TTC39B: variants seen among roughly 807,000 people sequenced by gnomAD.
TTC39B encodes the protein tetratricopeptide repeat protein 39B.
A neutral mutation model predicts 96.6 loss-of-function variants in TTC39B; 92 were observed. The observed-to-expected ratio is 0.95, with a 90% confidence interval of 0.80 to 1.13. TTC39B has a LOEUF of 1.13. Among genes scored for constraint, TTC39B ranks in the 50% most tolerant of loss-of-function variants. The probability of loss-of-function intolerance (pLI) is 0.00; values close to 1 mark genes in which losing one functional copy is unlikely to be tolerated. For missense variants in TTC39B, 955 were observed against 809.3 expected (o/e 1.18, Z -2.18); for synonymous variants, 367 against 299.4 (o/e 1.23, Z -2.33).
At chr9:15,171,797 G>T (rs1817674359) in exon 20 of TTC39B, 1 of 295,384 alleles carries the variant, frequency 3.4e-6, no homozygotes, top group Non-Finnish European at 6.2e-6. Flanking sequence ...TCTTTTGGGG[G>T]AGGCAAAATA....
rs1586912662 is a variant in TTC39B, at chr9:15,225,891, C to T, written c.371+26G>A. On this transcript the variant is annotated intron_variant, in intron 3 of 19. Transcript: ENST00000512701. ...GTGGGACTGTCCTCCCCTCTTCCCC[C>T]AGGAATGCCCACAACCCTTCCTGAC... 2.5e-6 allele frequency: 4 copies of T among 1,605,678 alleles called. No individual in the cohort carries two copies. In the East Asian group the frequency reaches 8.9e-5, roughly 36 times the overall value.
intron 8 of TTC39B, among the ~76,000 whole-genome samples, chr9:15,199,080 G>C (rs1455650035): frequency 6.6e-6 from 1 of 152,078 alleles, no homozygotes; most frequent in Admixed American, 6.5e-5. Context: ...AGGAAGAAAG[G>C]GATGACTCCA....
At chr9:15,217,944 T>C (rs1300338261) in intron 3 of TTC39B, among the ~76,000 whole-genome samples, 1 of 152,050 alleles carries the variant, frequency 6.6e-6, no homozygotes, top group African/African-American at 2.4e-5. Context: ...GTGCGGTGGC[T>C]CACGCCTGTA....
intron 1 of TTC39B, among the ~76,000 whole-genome samples, chr9:15,274,131 C>T (rs200625533): frequency 7.9e-5 from 12 of 152,110 alleles, no homozygotes; most frequent in Non-Finnish European, 1.5e-4. Context: ...CACATCACTC[C>T]CTATTAAAAC....
intron 2 of TTC39B, among the ~76,000 whole-genome samples, chr9:15,231,180 A>T (rs1413081301): frequency 6.6e-6 from 1 of 151,980 alleles, no homozygotes; most frequent in Non-Finnish European, 1.5e-5. Flanking sequence ...CGATTTTTTT[A>T]ATTTTTATTT....
At chr9:15,253,024 T>C (rs1224123796) in intron 2 of TTC39B, among the ~76,000 whole-genome samples, 2 of 152,200 alleles carry the variant, frequency 1.3e-5, no homozygotes, top group Non-Finnish European at 2.9e-5. Context: ...ATCCCAAACA[T>C]ACCATATGTA....
At chr9:15,259,189 C>T (rs952162185) in intron 2 of TTC39B, among the ~76,000 whole-genome samples, 19 of 152,118 alleles carry the variant, frequency 1.2e-4, no homozygotes, top group African/African-American at 4.6e-4. Flanking sequence ...ATCCCTAACC[C>T]CAAGATACAT....
chr9:15,249,826 A>G, intron 2 of TTC39B: 1 of 1,028,552 alleles, frequency 9.7e-7, no homozygotes, highest in Non-Finnish European at 1.2e-6. Flanking sequence ...TAAAAAATTT[A>G]CATAGCCTTC....
intron 18 of TTC39B, among the ~76,000 whole-genome samples, chr9:15,175,466 C>T (rs1263518770): frequency 6.6e-6 from 1 of 152,022 alleles, no homozygotes; most frequent in Non-Finnish European, 1.5e-5. Flanking sequence ...AAAATGACTC[C>T]ATTTAGAAAT....
chr9:15,185,177 T>G, intron 16 of TTC39B, 103 bp downstream of exon 16: 1 of 1,420,854 alleles, frequency 7.0e-7, no homozygotes, highest in Non-Finnish European at 9.4e-7. Flanking sequence ...CCTACAATGG[T>G]TTTTAAATGA....
intron 1 of TTC39B, among the ~76,000 whole-genome samples, chr9:15,280,256 G>C (rs1038191088): frequency 6.6e-6 from 1 of 152,114 alleles, no homozygotes; most frequent in Non-Finnish European, 1.5e-5. Flanking sequence ...TATTGTCTAA[G>C]GCTGCTTTCC....
chr9:15,211,501 C>G (rs913579071), intron 4 of TTC39B, 104 bp from the exon 5 acceptor site: 1 of 1,043,272 alleles, frequency 9.6e-7, no homozygotes, highest in Admixed American at 3.5e-5. Context: ...ACCTTTATTC[C>G]TTCACCATAA....
chr9:15,228,813 G>C (rs1821270937), intron 2 of TTC39B, among the ~76,000 whole-genome samples: 1 of 152,086 alleles, frequency 6.6e-6, no homozygotes, highest in Non-Finnish European at 1.5e-5. Flanking sequence ...TAAAATTATT[G>C]TATCTTTACC....
intron 8 of TTC39B, among the ~76,000 whole-genome samples, chr9:15,199,656 A>C (rs1005496832): frequency 1.4e-5 from 2 of 141,924 alleles, no homozygotes; most frequent in Admixed American, 7.5e-5. Context: ...AATGGCGTGA[A>C]CCTGAGAGGC....
intron 3 of TTC39B, among the ~76,000 whole-genome samples, chr9:15,216,906 G>C (rs1429689638): frequency 6.6e-6 from 1 of 152,192 alleles, no homozygotes; most frequent in Non-Finnish European, 1.5e-5. Context: ...CCCTGATTGG[G>C]ATAAGTGGTC....
At chr9:15,221,409 G>A (rs965580130) in intron 3 of TTC39B, among the ~76,000 whole-genome samples, 5 of 152,000 alleles carry the variant, frequency 3.3e-5, no homozygotes, top group African/African-American at 7.3e-5. Context: ...AAATTGTCCC[G>A]GATTTGGCAA....
intron 6 of TTC39B, among the ~76,000 whole-genome samples, chr9:15,209,635 T>A (rs767278380): frequency 1.3e-5 from 2 of 152,226 alleles, no homozygotes; most frequent in Admixed American, 6.5e-5. Context: ...TTAAAATGCA[T>A]GAATCCATAT....
intron 2 of TTC39B, among the ~76,000 whole-genome samples, chr9:15,237,755 A>G (rs779579705): frequency 6.6e-6 from 1 of 152,158 alleles, no homozygotes; most frequent in Non-Finnish European, 1.5e-5. Flanking sequence ...AACTATTACA[A>G]AAAATTTGAG....
chr9:15,211,893 C>T (rs373775846), intron 4 of TTC39B, among the ~76,000 whole-genome samples: 1 of 152,304 alleles, frequency 6.6e-6, no homozygotes, highest in African/African-American at 2.4e-5. Flanking sequence ...AGAGCCATGA[C>T]CAAAGTAGTT....
Sources: gnomAD v4.1 joint callset for allele counts (sites outside exome capture counted in the v4.1 genomes callset) on GRCh38, gnomAD v4.1.1 for gene constraint, MANE v1.5 for transcripts, NCBI Gene and HGNC (gene_info 2026-07-23, HGNC 2026-07-21) for gene names.